FSIP2: variants seen among roughly 807,000 people sequenced by gnomAD.
FSIP2 encodes fibrous sheath interacting protein 2.
FSIP2 carries 367 observed loss-of-function variants against 510.5 expected under a neutral mutation model. The observed-to-expected ratio is 0.72, with a 90% confidence interval of 0.66 to 0.78. The LOEUF (loss-of-function observed/expected upper bound fraction) is 0.78, where lower values mean the gene tolerates loss of function less well. Ranked by LOEUF, FSIP2 falls within the 30% of genes least tolerant of loss-of-function variation. FSIP2 has a pLI of 0.00. For synonymous variants in FSIP2, 2,601 were observed against 2,732.2 expected (o/e 0.95, Z 1.50); for missense variants, 7,594 against 7,901.7 (o/e 0.96, Z 1.48).
chr2:185,753,628 C>T, intron 7 of FSIP2, 94 bp from the exon 8 acceptor site: 1 of 608,506 alleles, frequency 1.6e-6, no homozygotes, highest in Non-Finnish European at 2.7e-6. Context: ...GACTGATTAT[C>T]CATTTTCAAA....
intron 13 of FSIP2, among the ~76,000 whole-genome samples, chr2:185,781,728 T>A (rs1364688869): frequency 6.6e-6 from 1 of 152,258 alleles, no homozygotes; most frequent in African/African-American, 2.4e-5. Flanking sequence ...TGCTCTATAC[T>A]GAATGCTAGG....
intron 13 of FSIP2, among the ~76,000 whole-genome samples, chr2:185,780,429 AGTTT>A (rs1692821645): frequency 6.6e-6 from 1 of 151,634 alleles, no homozygotes; most frequent in South Asian, 2.1e-4. Flanking sequence ...TTTTCTATAT[AGTTT>A]ATTATTTCAT....
chr2:185,832,416 C>T (rs1034633263), intron 22 of FSIP2, among the ~76,000 whole-genome samples: 26 of 151,822 alleles, frequency 1.7e-4, no homozygotes, highest in African/African-American at 6.0e-4. Flanking sequence ...GTTCCCAGTT[C>T]TTCCAGTTTT....
chr2:185,747,211 G>T lies in FSIP2; in HGVS notation c.760-102G>T, dbSNP rs12618129. The T allele has an allele frequency of 6.3e-6, 4 of 637,988 alleles. No individual in the cohort carries two copies. In the East Asian group the frequency reaches 8.3e-5, roughly 13 times the overall value. The allele number at this position is 637,988 out of a possible 1,614,324, so 39.5% of individuals were successfully genotyped here. A position where few individuals can be genotyped will look rare whatever the true frequency, so the allele number is the denominator to read the frequency against. ...TTTCATTATGCTTAACCTGATTTCT[G>T]TTAGGCCCTGACTTGTTTAATATAC... On this transcript the variant is annotated intron_variant, in intron 6 of 22. Transcript: ENST00000424728.
chr2:185,801,584 C>T lies in FSIP2; in HGVS notation c.12278C>T (p.Pro4093Leu), dbSNP rs1372292757. ...TTAGAGATTTTAGACTACAAACTGC[C>T]ATCTTGCTTCAAGGAACATCTCATA... Reference protein sequence around the residue: ...ILLEILDYKLPSCFKEHLIPH... With the variant: ...ILLEILDYKLLSCFKEHLIPH... Residue 4093 changes from proline to leucine, a missense_variant, in exon 17 of 23, where the codon CCA becomes CTA. Pro to Leu is a moderately conservative substitution (Grantham distance 98). Coordinates refer to ENST00000424728, the MANE Select transcript of FSIP2 (RefSeq NM_173651.4). 1.3e-6 allele frequency: 2 copies of T among 1,533,968 alleles called. No individual in the cohort carries two copies. Among genetic ancestry groups the T allele is most frequent in the Non-Finnish European group, 1.7e-6 (2 of 1,145,542 alleles).
In FSIP2 at chr2:185,792,528, A is replaced by C; in HGVS notation, c.5392A>C (p.Asn1798His). ...TCAAAGTACTTTAATCAATCAATTA[A>C]ATGTCCTTTCTCTCTCCCACTCTAA... Reference protein sequence around the residue: ...IFQSTLINQLNVLSLSHSNFN... With the variant: ...IFQSTLINQLHVLSLSHSNFN... The change falls in exon 16 of 23, where the codon AAT becomes CAT. Residue 1798 changes from asparagine to histidine, a missense_variant. Physicochemically the swap from Asn to His is moderately conservative, Grantham distance 68 (BLOSUM62 1). Transcript: ENST00000424728. 6.5e-7 allele frequency: 1 copy of C among 1,530,486 alleles called. No individual in the cohort carries two copies. Among genetic ancestry groups the C allele is most frequent in the Non-Finnish European group, 8.8e-7 (1 of 1,142,532 alleles). The allele number at this position is 1,530,486 out of a possible 1,614,324, so 94.8% of individuals were successfully genotyped here. A position where few individuals can be genotyped will look rare whatever the true frequency, so the allele number is the denominator to read the frequency against.
At position 185,824,421 on chromosome 2, in the gene FSIP2, T is replaced by C; in HGVS notation, c.20427-13T>C. ...AATTCACCCTAAATGATGTTCTTTTTCTTTTGTTTTAGTGAGGCTGAAGAT... is the reference window on the plus strand; with the variant it reads ...AATTCACCCTAAATGATGTTCTTTTCCTTTTGTTTTAGTGAGGCTGAAGAT... On this transcript the variant is annotated splice_polypyrimidine_tract_variant and intron_variant, in intron 19 of 22. Transcript: ENST00000424728. 2 of 1,571,292 alleles carry C rather than the reference T, an allele frequency of 1.3e-6. No homozygotes were observed. Among genetic ancestry groups the C allele is most frequent in the Non-Finnish European group, 1.7e-6 (2 of 1,151,994 alleles).
In FSIP2 at chr2:185,802,200, A is replaced by G. The variant is rs1310097686; in HGVS notation, c.12894A>G (p.Gln4298=). 2.6e-6 allele frequency: 4 copies of G among 1,533,590 alleles called. No homozygotes were observed. The South Asian group carries it at 3.6e-5, about 14-fold the overall frequency. The allele number at this position is 1,533,590 out of a possible 1,614,324, so 95.0% of individuals were successfully genotyped here. The change falls in exon 17 of 23, where the codon CAA becomes CAG. Residue 4298 remains glutamine (Q), a synonymous_variant. Transcript: ENST00000424728. ...TAGAGTCACACAGACCTCAGAAGCA[A>G]TCACCTTTAGATATTCACCTTGATT... is the stretch of plus-strand genomic sequence containing the variant. ...EVIESHRPQK[Q]SPLDIHLDSF...
chr2:185,808,093 C>T lies in FSIP2; in HGVS notation c.18787C>T (p.His6263Tyr). ...VNSIYTSVLK[H>Y]SGSYTSVFKD... Reference sequence around the variant, plus strand: ...TTCTATTTATACCAGTGTTTTAAAGCACTCTGGCTCTTATACTTCTGTATT... The same window carrying T: ...TTCTATTTATACCAGTGTTTTAAAGTACTCTGGCTCTTATACTTCTGTATT... Residue 6263 changes from histidine to tyrosine, a missense_variant, in exon 17 of 23, where the codon CAC (histidine) becomes TAC (tyrosine). Coordinates refer to ENST00000424728, the MANE Select transcript of FSIP2 (RefSeq NM_173651.4). 2.5e-6 allele frequency: 4 copies of T among 1,605,784 alleles called. No homozygotes were observed. Among genetic ancestry groups the T allele is most frequent in the Non-Finnish European group, 3.4e-6 (4 of 1,176,688 alleles).
chr2:185,762,255 GCTGTT>G (rs1692367604), intron 11 of FSIP2, among the ~76,000 whole-genome samples: 1 of 151,186 alleles, frequency 6.6e-6, no homozygotes. Context: ...CCTTGCTGTA[GCTGTT>G]TGTAGTTACA....
In FSIP2 at chr2:185,806,435, C is replaced by A. The variant is rs1457342517; in HGVS notation, c.17129C>A (p.Pro5710Gln). 1 of 1,611,994 alleles carries A rather than the reference C, an allele frequency of 6.2e-7. No homozygotes were observed. Among genetic ancestry groups the A allele is most frequent in the South Asian group, 1.1e-5 (1 of 91,006 alleles). The change falls in exon 17 of 23, where the codon CCA becomes CAA. Residue 5710 changes from proline (P) to glutamine (Q), a missense_variant. Coordinates refer to ENST00000424728, the MANE Select transcript of FSIP2 (RefSeq NM_173651.4). ...YSKLSYDQSP[P>Q]GDNVLNVIQE... Reference sequence around the variant, plus strand: ...AAACTCAGTTATGACCAAAGCCCCCCAGGTGATAATGTATTAAATGTAATT... The same window carrying A: ...AAACTCAGTTATGACCAAAGCCCCCAAGGTGATAATGTATTAAATGTAATT...
At position 185,808,755 on chromosome 2, in the gene FSIP2, A is replaced by G; in HGVS notation, c.19449A>G (p.Leu6483=). 4 of 1,612,698 alleles carry G rather than the reference A, an allele frequency of 2.5e-6. No homozygotes were observed. Among genetic ancestry groups the G allele is most frequent in the Non-Finnish European group, 3.4e-6 (4 of 1,179,402 alleles). Residue 6483 remains leucine (L), a synonymous_variant, in exon 17 of 23, where the codon CTA becomes CTG. Coordinates refer to ENST00000424728, the MANE Select transcript of FSIP2 (RefSeq NM_173651.4). ...CAAATGCTGATCTCTCTGGAGAGCT[A>G]GACGTTAATAGAATTGTTCAAAAGG... ...TISNADLSGE[L]DVNRIVQKAQ...
chr2:185,755,061 C>T (rs79639580), intron 8 of FSIP2, among the ~76,000 whole-genome samples: 3,279 of 151,470 alleles, frequency 0.022, 98 homozygotes, highest in African/African-American at 0.069. Context: ...ACCTGATTAC[C>T]GTCTCCATTT....
At chr2:185,763,960 C>G (rs1692405706) in intron 12 of FSIP2, among the ~76,000 whole-genome samples, 2 of 151,492 alleles carry the variant, frequency 1.3e-5, no homozygotes, top group Non-Finnish European at 3.0e-5. Context: ...AAATGTACAT[C>G]AGGTTTAGTT....
At chr2:185,781,655 T>C (rs1313687355) in intron 13 of FSIP2, among the ~76,000 whole-genome samples, 1 of 152,234 alleles carries the variant, frequency 6.6e-6, no homozygotes, top group Non-Finnish European at 1.5e-5. Context: ...CACATTTGTC[T>C]TACCTTCAGA....
intron 19 of FSIP2, among the ~76,000 whole-genome samples, chr2:185,822,321 G>T (rs1693938062): frequency 6.6e-6 from 1 of 151,794 alleles, no homozygotes. Flanking sequence ...AACCCCTGAA[G>T]AACACCAAAA....
intron 13 of FSIP2, chr2:185,765,917 G>C (rs1345903790): frequency 1.3e-5 from 2 of 149,818 alleles, no homozygotes; most frequent in Middle Eastern, 3.2e-3. Flanking sequence ...TTGTGAATGG[G>C]AGTTCACTCA....
chr2:185,745,635 A>G, intron 5 of FSIP2, 67 bp downstream of exon 5: 2 of 1,338,600 alleles, frequency 1.5e-6, no homozygotes, highest in Middle Eastern at 1.8e-4. Flanking sequence ...AAAATACTAG[A>G]AAGAATTGAA....
At position 185,801,783 on chromosome 2, in the gene FSIP2, T is replaced by C; in HGVS notation, c.12477T>C (p.Ile4159=). The change falls in exon 17 of 23, where the codon ATT becomes ATC. Residue 4159 remains isoleucine (I), a synonymous_variant. Coordinates refer to ENST00000424728, the MANE Select transcript of FSIP2 (RefSeq NM_173651.4). ...TATCTCAGCTAATTCCTCCACCCAT[T>C]ACATGTTCCTCTTTAGGAAAAAAAT... ...RLLSQLIPPP[I]TCSSLGKKYL... 6.7e-7 allele frequency: 1 copy of C among 1,502,456 alleles called. No individual in the cohort carries two copies. The highest frequency in any genetic ancestry group is 8.8e-7 in the Non-Finnish European group (1 of 1,130,686). 93.1% of individuals were successfully genotyped at this position (1,502,456 alleles called of 1,614,324 possible).
Sources: allele counts gnomAD v4.1 joint callset (sites outside exome capture counted in the v4.1 genomes callset), GRCh38; gene constraint gnomAD v4.1.1; transcripts MANE v1.5; gene names NCBI Gene and HGNC (gene_info 2026-07-23, HGNC 2026-07-21).